SIPA1L2: variants seen among roughly 807,000 people sequenced by gnomAD.
SIPA1L2 encodes the protein signal induced proliferation associated 1 like 2.
SIPA1L2 carries 56 observed loss-of-function variants against 163.9 expected under a neutral mutation model. The ratio of observed to expected loss-of-function variants is 0.34; its 90% CI spans 0.28 to 0.43. The LOEUF is 0.43. Among genes scored for constraint, SIPA1L2 ranks in the 20% least tolerant of loss-of-function variants. The pLI is 1.00. For synonymous variants in SIPA1L2, 877 were observed against 865.7 expected, an observed-to-expected ratio of 1.01 and a Z score of -0.23; for missense variants, 1,974 against 2,193.5, an observed-to-expected ratio of 0.90 and a Z score of 2.00.
intron 10 of SIPA1L2, among the ~76,000 whole-genome samples, chr1:232,452,047 C>T (rs552620711): frequency 6.7e-6 from 1 of 149,748 alleles, no homozygotes; most frequent in African/African-American, 2.5e-5. Flanking sequence ...GTAAGAATAA[C>T]AAGTAATTCC....
intron 10 of SIPA1L2, among the ~76,000 whole-genome samples, chr1:232,459,198 C>A (rs1159778816): frequency 6.6e-6 from 1 of 152,176 alleles, no homozygotes; most frequent in Non-Finnish European, 1.5e-5. Context: ...AATATGGCAG[C>A]CACTAGCAAC....
At chr1:232,429,026 T>C (rs764784505) in intron 16 of SIPA1L2, among the ~76,000 whole-genome samples, 3 of 152,182 alleles carry the variant, frequency 2.0e-5, no homozygotes, top group Non-Finnish European at 2.9e-5. Flanking sequence ...GAGTCATCAA[T>C]TCACACGTGT....
intron 18 of SIPA1L2, among the ~76,000 whole-genome samples, chr1:232,423,939 T>G (rs779335674): frequency 6.6e-6 from 1 of 151,702 alleles, no homozygotes; most frequent in Non-Finnish European, 1.5e-5. Flanking sequence ...GGCAAAACAA[T>G]GGAAATAGTA....
Position 232,425,765 on chromosome 1 carries a change from C to T in SIPA1L2, c.4454G>A (p.Arg1485His), listed in dbSNP as rs748564960. 5.6e-6 allele frequency: 9 copies of T among 1,613,886 alleles called. No individual in the cohort carries two copies. The East Asian group carries it at 6.7e-5, about 12-fold the overall frequency. The change falls in exon 18 of 23, where the codon CGC (arginine) becomes CAC (histidine). Residue 1485 changes from arginine (R) to histidine (H), a missense_variant. Physicochemically the swap from Arg to His is conservative, Grantham distance 29. Around this residue, in one of 3 missense-constraint regions of SIPA1L2, gnomAD observed 1,079 missense variants for 1,150.7 expected, o/e 0.94. Coordinates refer to ENST00000674635, the MANE Select transcript of SIPA1L2 (RefSeq NM_020808.5). ...GNLSPRRSLY[R>H]TLSDESICSN... Reference sequence around the variant, plus strand: ...GCAGATGCTCTCGTCAGACAGCGTGCGGTAAAGCGACCTCCTTGGAGACAG... The same window carrying T: ...GCAGATGCTCTCGTCAGACAGCGTGTGGTAAAGCGACCTCCTTGGAGACAG...
intron 1 of SIPA1L2, among the ~76,000 whole-genome samples, chr1:232,580,067 CTT>C (rs1310535518): frequency 6.6e-6 from 1 of 152,124 alleles, no homozygotes; most frequent in Non-Finnish European, 1.5e-5. Context: ...ACTGAGTATA[CTT>C]ATAGTTATTT....
intron 14 of SIPA1L2, among the ~76,000 whole-genome samples, chr1:232,440,604 A>C (rs748123746): frequency 6.6e-6 from 1 of 152,266 alleles, no homozygotes; most frequent in African/African-American, 2.4e-5. Flanking sequence ...CTGATGACAC[A>C]TTAAGAAAGA....
At chr1:232,435,206 G>A (rs554897161) in intron 15 of SIPA1L2, among the ~76,000 whole-genome samples, 5 of 152,110 alleles carry the variant, frequency 3.3e-5, no homozygotes, top group African/African-American at 7.2e-5. Flanking sequence ...TGACCAAAGC[G>A]TATAGTTTTG....
intron 3 of SIPA1L2, among the ~76,000 whole-genome samples, chr1:232,502,855 T>C (rs1397658096): frequency 6.6e-6 from 1 of 152,254 alleles, no homozygotes; most frequent in African/African-American, 2.4e-5. Flanking sequence ...CTAGCTTTTA[T>C]AAAGGGCATC....
intron 1 of SIPA1L2, among the ~76,000 whole-genome samples, chr1:232,629,460 A>G (rs541247819): frequency 6.6e-6 from 1 of 152,322 alleles, no homozygotes; most frequent in South Asian, 2.1e-4. Context: ...GCCCCGCAGC[A>G]AGTTCGGCGT....
At chr1:232,440,169 G>C (rs1193372565) in intron 14 of SIPA1L2, among the ~76,000 whole-genome samples, 2 of 152,138 alleles carry the variant, frequency 1.3e-5, no homozygotes, top group Admixed American at 1.3e-4. Flanking sequence ...CTTTTGGTTG[G>C]GGTGGGGAGT....
intron 16 of SIPA1L2, among the ~76,000 whole-genome samples, chr1:232,430,847 T>C (rs1329834965): frequency 1.3e-5 from 2 of 152,184 alleles, no homozygotes; most frequent in Non-Finnish European, 2.9e-5. Flanking sequence ...GGACTGCCAT[T>C]TGCCCTTCCA....
chr1:232,478,279 T>C (rs1022490639), intron 7 of SIPA1L2, among the ~76,000 whole-genome samples: 14 of 152,156 alleles, frequency 9.2e-5, no homozygotes, highest in African/African-American at 3.4e-4. Context: ...TAGAAAACAC[T>C]AGAAAATTCA....
intron 2 of SIPA1L2, among the ~76,000 whole-genome samples, chr1:232,561,734 A>G (rs1659047880): frequency 6.6e-6 from 1 of 152,232 alleles, no homozygotes; most frequent in African/African-American, 2.4e-5. Context: ...GTTACTTATC[A>G]TTGCCAGGCT....
intron 8 of SIPA1L2, among the ~76,000 whole-genome samples, chr1:232,468,392 GA>G (rs1380969693): frequency 1.3e-5 from 2 of 152,212 alleles, no homozygotes; most frequent in African/African-American, 4.8e-5. Context: ...AGAAAGGTGT[GA>G]GGAGCAAACT....
chr1:232,557,628 C>A (rs1423529019), intron 2 of SIPA1L2, among the ~76,000 whole-genome samples: 1 of 152,226 alleles, frequency 6.6e-6, no homozygotes, highest in Non-Finnish European at 1.5e-5. Flanking sequence ...TGTGTTCTCA[C>A]TGTCTCTGGC....
intron 2 of SIPA1L2, among the ~76,000 whole-genome samples, chr1:232,562,128 T>C (rs904321116): frequency 6.6e-6 from 1 of 152,052 alleles, no homozygotes; most frequent in African/African-American, 2.4e-5. Flanking sequence ...ATGGGGAAAA[T>C]GACCCAAATG....
intron 1 of SIPA1L2, among the ~76,000 whole-genome samples, chr1:232,581,165 C>T (rs1032348008): frequency 3.9e-5 from 6 of 152,330 alleles, no homozygotes; most frequent in Admixed American, 1.3e-4. Flanking sequence ...TCCCACATTC[C>T]GTTCTGGTTC....
At chr1:232,600,320 ACT>A (rs1377130099) in intron 1 of SIPA1L2, among the ~76,000 whole-genome samples, 2 of 152,012 alleles carry the variant, frequency 1.3e-5, no homozygotes, top group Non-Finnish European at 2.9e-5. Context: ...TTAAAAATCA[ACT>A]CTTTTTTTCC....
chr1:232,484,066 G>C, intron 5 of SIPA1L2, 100 bp from the exon 6 acceptor site: 1 of 1,146,208 alleles, frequency 8.7e-7, no homozygotes, highest in Non-Finnish European at 1.2e-6. Context: ...TTCTAGGAAA[G>C]CATGCCAGAA....
Sources: gnomAD v4.1 joint callset for allele counts (sites outside exome capture counted in the v4.1 genomes callset) on GRCh38, gnomAD v4.1.1 for gene constraint, gnomAD v4.1.1 regional missense constraint, MANE v1.5 for transcripts, NCBI Gene and HGNC (gene_info 2026-07-23, HGNC 2026-07-21) for gene names.